The following OLFM4 variants were observed in gnomAD, a reference collection of about 807,000 sequenced individuals.
The protein encoded by OLFM4 is olfactomedin-4.
Under a neutral mutation model 25.5 loss-of-function variants are expected in OLFM4, and 22 were observed. That is an observed-to-expected ratio of 0.86 (90% CI 0.62 to 1.23). OLFM4 has a LOEUF of 1.23. OLFM4 is among the 50% of genes most tolerant of loss of function. The probability of loss-of-function intolerance (pLI) is 0.00; values close to 1 mark genes in which losing one functional copy is unlikely to be tolerated. For synonymous variants in OLFM4, 255 were observed against 237.7 expected (o/e 1.07, Z -0.67); for missense variants, 594 against 619.4 (o/e 0.96, Z 0.44).
chr13:53,041,795 CA>C, intron 2 of OLFM4, 114 bp from the exon 3 acceptor site: 1 of 676,400 alleles, frequency 1.5e-6, no homozygotes, highest in Non-Finnish European at 2.6e-6. Context: ...TATTTATTTA[CA>C]AAACACAATG....
At chr13:53,048,477 A>G (rs1168661006) in intron 4 of OLFM4, among the ~76,000 whole-genome samples, 1 of 152,188 alleles carries the variant, frequency 6.6e-6, no homozygotes, top group East Asian at 1.9e-4. Context: ...GCCCCAGCCG[A>G]TTGGAAAAAT....
At chr13:53,045,455 A>G (rs1291770186) in intron 4 of OLFM4, among the ~76,000 whole-genome samples, 2 of 152,102 alleles carry the variant, frequency 1.3e-5, no homozygotes, top group Non-Finnish European at 2.9e-5. Flanking sequence ...TTTTAAATCA[A>G]TTTCTTTCAC....
In OLFM4 at chr13:53,034,445, G is replaced by A. The variant is rs774935269; in HGVS notation, c.302G>A (p.Arg101His). Reference protein sequence around the residue: ...DTTFPVDRVERLEFTAHVLSQ... With the variant: ...DTTFPVDRVEHLEFTAHVLSQ... The stretch of plus-strand genomic sequence containing the variant: ...ACCTTTCCCGTGGACAGAGTGGAAC[G>A]CTTGGAATTCACAGCTCATGTTCTT... Residue 101 changes from arginine (R) to histidine (H), a missense_variant, in exon 2 of 5, where the codon CGC (arginine) becomes CAC (histidine). Physicochemically the swap from Arg to His is conservative, Grantham distance 29. Coordinates refer to ENST00000219022, the MANE Select transcript of OLFM4 (RefSeq NM_006418.5). The A allele has an allele frequency of 2.7e-5, 43 of 1,613,864 alleles. No individual in the cohort carries two copies. Among genetic ancestry groups the A allele is most frequent in the Non-Finnish European group, 3.4e-5 (40 of 1,179,950 alleles).
intron 2 of OLFM4, among the ~76,000 whole-genome samples, chr13:53,038,982 T>C (rs979642533): frequency 1.1e-4 from 17 of 152,222 alleles, no homozygotes; most frequent in African/African-American, 4.1e-4. Context: ...TTGAGTTTTT[T>C]CCTCAAATGG....
chr13:53,032,021 T>C (rs1234757689), intron 1 of OLFM4, among the ~76,000 whole-genome samples: 2 of 152,198 alleles, frequency 1.3e-5, no homozygotes, highest in Admixed American at 6.5e-5. Context: ...TGATCAAACT[T>C]ATGGACCATT....
Position 53,032,622 on chromosome 13 carries a change from T to G in OLFM4, c.205-1726T>G, listed in dbSNP as rs537498542. On this transcript the variant is annotated intron_variant, in intron 1 of 4. Coordinates refer to ENST00000219022, the MANE Select transcript of OLFM4 (RefSeq NM_006418.5). ...TCTGCTTGTTTCTCCTCCCTACTCC[T>G]GAACTGTTTCCCACGTAGGGATGTG... Among the ~76,000 whole-genome samples, 3 of 152,200 alleles carry G rather than the reference T, an allele frequency of 2.0e-5. No homozygotes were observed. The East Asian group carries it at 5.8e-4, about 29-fold the overall frequency.
chr13:53,039,855 G>A (rs8181889), intron 2 of OLFM4, among the ~76,000 whole-genome samples: 70,245 of 151,986 alleles, frequency 0.46, 16,590 homozygotes, highest in East Asian at 0.56. Context: ...CTGTTTTTTC[G>A]ACTTTCATTA....
In OLFM4 at chr13:53,034,406, C is replaced by T. The variant is rs1954646801; in HGVS notation, c.263C>T (p.Ser88Phe). ...CGTGGGACCTGCCAGTGCTCTGTTT[C>T]CCTGCCAGACACCACCTTTCCCGTG... ...DDRGTCQCSV[S>F]LPDTTFPVDR... Residue 88 changes from serine (S) to phenylalanine (F), a missense_variant, in exon 2 of 5, where the codon TCC becomes TTC. Transcript: ENST00000219022. 6.2e-7 allele frequency: 1 copy of T among 1,614,092 alleles called. No individual in the cohort carries two copies. Among genetic ancestry groups the T allele is most frequent in the African/African-American group, 1.3e-5 (1 of 75,008 alleles).
chr13:53,030,608 T>A (rs1300235206), intron 1 of OLFM4, among the ~76,000 whole-genome samples: 4 of 152,128 alleles, frequency 2.6e-5, no homozygotes, highest in African/African-American at 7.2e-5. Flanking sequence ...GCCTGTATTA[T>A]CTTATTTAAC....
At chr13:53,037,132 A>G (rs1005638554) in intron 2 of OLFM4, among the ~76,000 whole-genome samples, 6 of 152,250 alleles carry the variant, frequency 3.9e-5, no homozygotes, top group Non-Finnish European at 8.8e-5. Context: ...ACAGGCCAGT[A>G]GAAAAGGTTT....
Position 53,047,621 on chromosome 13 carries a change from T to C in OLFM4, c.731-2348T>C, listed in dbSNP as rs559279016. On this transcript the variant is annotated intron_variant, in intron 4 of 4. Transcript: ENST00000219022. ...GAGAAAAACAAAGTTTCATACATTT[T>C]AATATTTACACTGGGCAATTTGAAT... Among the ~76,000 whole-genome samples the C allele has an allele frequency of 5.9e-5, 9 of 152,314 alleles. No homozygotes were observed. In the South Asian group the frequency reaches 1.9e-3, roughly 32 times the overall value.
chr13:53,036,064 C>T (rs1954656634), intron 2 of OLFM4, among the ~76,000 whole-genome samples: 1 of 152,204 alleles, frequency 6.6e-6, no homozygotes, highest in East Asian at 1.9e-4. Context: ...CAACATCCAA[C>T]ATAGTTATCC....
rs1236833668 is a variant in OLFM4, at chr13:53,051,301, A to G, written c.*530A>G. On this transcript the variant is annotated 3_prime_UTR_variant, in exon 5 of 5. Coordinates refer to ENST00000219022, the MANE Select transcript of OLFM4 (RefSeq NM_006418.5). Reference sequence around the variant, plus strand: ...TGGAATGATGCTTTGTATGTGGCAGATAAGTAAATTTGGCATGCTTATATA... The same window carrying G: ...TGGAATGATGCTTTGTATGTGGCAGGTAAGTAAATTTGGCATGCTTATATA... The G allele has an allele frequency of 6.6e-6, 1 of 152,420 alleles. No homozygotes were observed. The highest frequency in any genetic ancestry group is 2.4e-5 in the African/African-American group (1 of 41,432). 9.4% of individuals were successfully genotyped at this position (152,420 alleles called of 1,614,324 possible). A position where few individuals can be genotyped will look rare whatever the true frequency, so the allele number is the denominator to read the frequency against.
chr13:53,042,128 G>T lies in OLFM4; in HGVS notation c.570+6G>T. 1 of 1,611,504 alleles carries T rather than the reference G, an allele frequency of 6.2e-7. No individual in the cohort carries two copies. The highest frequency in any genetic ancestry group is 1.1e-5 in the South Asian group (1 of 90,956). On this transcript the variant is annotated splice_donor_region_variant and intron_variant, in intron 3 of 4. Coordinates refer to ENST00000219022, the MANE Select transcript of OLFM4 (RefSeq NM_006418.5). ...TTGACCAGCTGGAGGTGGAGGTAAG[G>T]AGTGAACTCACTTCTTGGTAAATTA...
chr13:53,044,658 A>G (rs1037277479), intron 4 of OLFM4, among the ~76,000 whole-genome samples: 22 of 152,124 alleles, frequency 1.4e-4, no homozygotes, highest in Non-Finnish European at 2.9e-5. Context: ...TCCAGAAAGG[A>G]GGTGACATAA....
At chr13:53,041,877 G>C (rs1444003703) in intron 2 of OLFM4, 33 bp from the exon 3 acceptor site, 2 of 1,513,528 alleles carry the variant, frequency 1.3e-6, no homozygotes, top group Admixed American at 3.3e-5. Context: ...TACTACTCAG[G>C]GAATTGGCTT....
intron 1 of OLFM4, among the ~76,000 whole-genome samples, chr13:53,031,660 G>A (rs1187863491): frequency 1.3e-5 from 2 of 152,170 alleles, no homozygotes; most frequent in Non-Finnish European, 2.9e-5. Context: ...AAACAAGTAG[G>A]GCTTTCAGAG....
In OLFM4 at chr13:53,050,027, C is replaced by T; in HGVS notation, c.789C>T (p.Asn263=). 6.2e-7 allele frequency: 1 copy of T among 1,613,542 alleles called. No individual in the cohort carries two copies. Among genetic ancestry groups the T allele is most frequent in the Non-Finnish European group, 8.5e-7 (1 of 1,179,550 alleles). ...NISKPSVVQL[N]WRGFSYLYGA... The stretch of plus-strand genomic sequence containing the variant: ...GCAAACCGTCTGTGGTTCAGCTCAA[C>T]TGGAGAGGGTTTTCTTATCTATATG... The change falls in exon 5 of 5, where the codon AAC becomes AAT. Residue 263 remains asparagine, a synonymous_variant. Coordinates refer to ENST00000219022, the MANE Select transcript of OLFM4 (RefSeq NM_006418.5).
Position 53,048,453 on chromosome 13 carries a change from T to G in OLFM4, c.731-1516T>G, listed in dbSNP as rs375649384. ...AGCATTTAAGGAGCATATATTTAAT[T>G]CTGGGACCAAAAAGCCCCAGCCGAT... On this transcript the variant is annotated intron_variant, in intron 4 of 4. Coordinates refer to ENST00000219022, the MANE Select transcript of OLFM4 (RefSeq NM_006418.5). 1.6e-4 allele frequency among the ~76,000 whole-genome samples: 24 copies of G among 152,312 alleles called. No individual in the cohort carries two copies. The East Asian group carries it at 3.3e-3, about 21-fold the overall frequency.
Sources: gnomAD v4.1 joint callset for allele counts (sites outside exome capture counted in the v4.1 genomes callset) on GRCh38, gnomAD v4.1.1 for gene constraint, MANE v1.5 for transcripts, NCBI Gene and HGNC (gene_info 2026-07-23, HGNC 2026-07-21) for gene names.